Variants in PREX2 observed in about 807,000 individuals in gnomAD.
PREX2 encodes phosphatidylinositol 3,4,5-trisphosphate-dependent Rac exchanger 2 protein.
PREX2 carries 107 observed loss-of-function variants against 203.2 expected under a neutral mutation model. The observed-to-expected ratio is 0.53, with a 90% confidence interval of 0.45 to 0.62. The LOEUF is 0.62. Among genes scored for constraint, PREX2 ranks in the 20% least tolerant of loss-of-function variants. The pLI, the probability that PREX2 is intolerant of heterozygous loss-of-function variation, is 0.00. For synonymous variants in PREX2, 672 were observed against 663.6 expected, an observed-to-expected ratio of 1.01 and a Z score of -0.19; for missense variants, 1,777 against 1,955.9, an observed-to-expected ratio of 0.91 and a Z score of 1.72.
At chr8:67,974,883 G>A (rs1402197201) in intron 1 of PREX2, among the ~76,000 whole-genome samples, 1 of 152,164 alleles carries the variant, frequency 6.6e-6, no homozygotes, top group Admixed American at 6.5e-5. Flanking sequence ...TAAGTTAGTT[G>A]TAAGACCATG....
In PREX2 at chr8:68,119,520, A is replaced by G. The variant is rs760582537; in HGVS notation, c.3504+6A>G. Reference sequence around the variant, plus strand: ...TTGAGCATCTTTTCAGCCAGGTACAATCGGGCATTTGTGGGGCTTTTGTTC... The same window carrying G: ...TTGAGCATCTTTTCAGCCAGGTACAGTCGGGCATTTGTGGGGCTTTTGTTC... On this transcript the variant is annotated splice_donor_region_variant and intron_variant, in intron 28 of 39. Coordinates refer to ENST00000288368, the MANE Select transcript of PREX2 (RefSeq NM_024870.4). 2.5e-6 allele frequency: 4 copies of G among 1,609,068 alleles called. No homozygotes were observed. The highest frequency in any genetic ancestry group is 2.2e-5 in the East Asian group (1 of 44,818).
intron 1 of PREX2, among the ~76,000 whole-genome samples, chr8:68,003,708 A>G (rs1442498259): frequency 6.6e-6 from 1 of 152,202 alleles, no homozygotes; most frequent in Non-Finnish European, 1.5e-5. Context: ...AACGTTAAAG[A>G]GAAGAGAATT....
intron 22 of PREX2, among the ~76,000 whole-genome samples, 185 bp from the exon 23 acceptor site, chr8:68,099,497 A>G (rs565855850): frequency 6.6e-6 from 1 of 152,310 alleles, no homozygotes; most frequent in East Asian, 1.9e-4. Flanking sequence ...CTCCTGACTG[A>G]AGGTAGAAAT....
chr8:68,092,719 G>A (rs543367995), intron 20 of PREX2, among the ~76,000 whole-genome samples: 2 of 152,290 alleles, frequency 1.3e-5, no homozygotes, highest in Admixed American at 1.3e-4. Flanking sequence ...AGCAGTAAAT[G>A]TATTAGAATA....
intron 1 of PREX2, among the ~76,000 whole-genome samples, chr8:67,975,309 C>CTG (rs150254255): frequency 3.8e-5 from 4 of 105,338 alleles, no homozygotes; most frequent in South Asian, 3.2e-4. Context: ...TGGTGTGTGT[C>CTG]TGTGTGTGTG....
chr8:68,062,533 C>T lies in PREX2; in HGVS notation c.1339+1754C>T, dbSNP rs937149621. ...CCTGACCATCTGTCTCTTTCTTCAA[C>T]GCTCCAAGATGACTTCCTATTTAGG... is the stretch of plus-strand genomic sequence containing the variant. On this transcript the variant is annotated intron_variant, in intron 11 of 39. Transcript: ENST00000288368. 6.6e-5 allele frequency among the ~76,000 whole-genome samples: 10 copies of T among 152,162 alleles called. No homozygotes were observed. In the South Asian group the frequency reaches 1.2e-3, roughly 19 times the overall value.
At chr8:68,035,120 C>T (rs1807993615) in intron 6 of PREX2, among the ~76,000 whole-genome samples, 1 of 151,974 alleles carries the variant, frequency 6.6e-6, no homozygotes, top group South Asian at 2.1e-4. Context: ...GTTTTAACCT[C>T]AAAAAGAGCA....
intron 8 of PREX2, among the ~76,000 whole-genome samples, chr8:68,050,019 G>A (rs1401297223): frequency 6.6e-6 from 1 of 151,844 alleles, no homozygotes. Context: ...TTTGAGGCCT[G>A]TGGTATGTAT....
intron 37 of PREX2, among the ~76,000 whole-genome samples, chr8:68,199,674 A>G (rs1319357458): frequency 6.6e-6 from 1 of 152,244 alleles, no homozygotes; most frequent in Non-Finnish European, 1.5e-5. Flanking sequence ...CTCACTTCAT[A>G]TAAGCAATGT....
At chr8:67,961,456 T>C in intron 1 of PREX2, among the ~76,000 whole-genome samples, 1 of 152,230 alleles carries the variant, frequency 6.6e-6, no homozygotes, top group East Asian at 1.9e-4. Context: ...TTTATTAAAA[T>C]TATATTAGCT....
chr8:68,031,846 A>T (rs1807892816), intron 6 of PREX2, among the ~76,000 whole-genome samples: 2 of 152,154 alleles, frequency 1.3e-5, no homozygotes, highest in South Asian at 4.1e-4. Flanking sequence ...TTCTGTTGTC[A>T]CTCAAACACT....
intron 11 of PREX2, 49 bp downstream of exon 11, chr8:68,060,828 T>C: frequency 8.4e-7 from 1 of 1,189,614 alleles, no homozygotes; most frequent in Non-Finnish European, 1.2e-6. Flanking sequence ...ATTGGCCATA[T>C]GTATCTTAAT....
At chr8:68,122,911 G>T (rs999618752) in intron 30 of PREX2, among the ~76,000 whole-genome samples, 1 of 152,054 alleles carries the variant, frequency 6.6e-6, no homozygotes, top group East Asian at 1.9e-4. Context: ...GCTGAGAAGC[G>T]TTTTATGTCT....
At chr8:68,184,827 A>C (rs1480284006) in intron 35 of PREX2, among the ~76,000 whole-genome samples, 1 of 152,190 alleles carries the variant, frequency 6.6e-6, no homozygotes, top group Non-Finnish European at 1.5e-5. Flanking sequence ...TCCTATGACA[A>C]AATAAATTGG....
chr8:68,118,523 C>T (rs776083696), intron 26 of PREX2, 27 bp from the exon 27 acceptor site: 4 of 1,529,944 alleles, frequency 2.6e-6, no homozygotes, highest in South Asian at 1.1e-5. Context: ...TGCACTCTTA[C>T]AGTAACATGA....
chr8:67,996,718 A>G (rs1806777821), intron 1 of PREX2, among the ~76,000 whole-genome samples: 1 of 152,180 alleles, frequency 6.6e-6, no homozygotes, highest in South Asian at 2.1e-4. Flanking sequence ...GCCTCTCCCA[A>G]GATCATGATA....
intron 1 of PREX2, among the ~76,000 whole-genome samples, chr8:67,985,360 A>G (rs1024024610): frequency 1.3e-5 from 2 of 152,152 alleles, no homozygotes; most frequent in African/African-American, 2.4e-5. Flanking sequence ...TTGATATAAT[A>G]TAATATTTAA....
chr8:68,069,132 CA>C lies in PREX2; in HGVS notation c.1442del (p.Lys481ArgfsTer3). ...YPRNEMQDVI[S>X]KGVRLYCRLH... The stretch of plus-strand genomic sequence containing the variant: ...AGAAATGAGATGCAGGACGTGATTT[CA>C]AAGGTAACGACCTCTCCCACAACCT... On this transcript the variant is annotated frameshift_variant, in exon 12 of 40. Coordinates refer to ENST00000288368, the MANE Select transcript of PREX2 (RefSeq NM_024870.4). LOFTEE classifies it high-confidence loss of function. 1 of 1,525,356 alleles carries C rather than the reference CA, an allele frequency of 6.6e-7. No individual in the cohort carries two copies. Among genetic ancestry groups the C allele is most frequent in the Non-Finnish European group, 8.9e-7 (1 of 1,117,816 alleles). The allele number at this position is 1,525,356 out of a possible 1,614,324, so 94.5% of individuals were successfully genotyped here.
intron 1 of PREX2, among the ~76,000 whole-genome samples, chr8:68,003,284 G>C (rs1486008436): frequency 6.6e-6 from 1 of 152,056 alleles, no homozygotes; most frequent in African/African-American, 2.4e-5. Flanking sequence ...CTGAGTGGCT[G>C]GGATTATAGG....
Sources: allele counts gnomAD v4.1 joint callset (sites outside exome capture counted in the v4.1 genomes callset), GRCh38; gene constraint gnomAD v4.1.1; transcripts MANE v1.5; gene names NCBI Gene and HGNC (gene_info 2026-07-23, HGNC 2026-07-21).